Variants in HIPK2 observed in about 807,000 individuals in gnomAD.
HIPK2 encodes the protein homeodomain-interacting protein kinase 2.
Under a neutral mutation model 113.7 loss-of-function variants are expected in HIPK2, and 27 were observed. The observed-to-expected ratio is 0.24, with a 90% CI of 0.17 to 0.33. The LOEUF (loss-of-function observed/expected upper bound fraction) is 0.33. Ranked by LOEUF, HIPK2 falls within the 10% of genes least tolerant of loss-of-function variation. The pLI, the probability that HIPK2 is intolerant of heterozygous loss-of-function variation, is 1.00. For missense variants in HIPK2, 1,257 were observed against 1,588.0 expected, an observed-to-expected ratio of 0.79 and a Z score of 3.54; for synonymous variants, 631 against 642.2, an observed-to-expected ratio of 0.98 and a Z score of 0.26.
rs1222199056 is a variant in HIPK2, at chr7:139,575,123, C to T, written c.3126+5G>A. 6.3e-7 allele frequency: 1 copy of T among 1,589,254 alleles called. No homozygotes were observed. Among genetic ancestry groups the T allele is most frequent in the Non-Finnish European group, 8.6e-7 (1 of 1,168,430 alleles). On this transcript the variant is annotated splice_donor_5th_base_variant and intron_variant, in intron 14 of 14. Coordinates refer to ENST00000406875, the MANE Select transcript of HIPK2 (RefSeq NM_022740.5). The stretch of plus-strand genomic sequence containing the variant: ...CTGGCCTGGGGCGCCAGCTGTGGGG[C>T]TTACCTGGCTGAGATTGAGTGGCTG...
intron 2 of HIPK2, among the ~76,000 whole-genome samples, chr7:139,702,130 C>T (rs1181916232): frequency 1.3e-5 from 2 of 152,160 alleles, no homozygotes; most frequent in Non-Finnish European, 2.9e-5. Context: ...ACTCCAGCAG[C>T]GCAGGCCGGG....
intron 1 of HIPK2, among the ~76,000 whole-genome samples, chr7:139,760,008 T>G (rs191451865): frequency 2.2e-3 from 338 of 151,992 alleles, no homozygotes; most frequent in African/African-American, 7.5e-3. Context: ...CCTAGTTGTT[T>G]TTTTTTTTTT....
chr7:139,649,960 G>A lies in HIPK2; in HGVS notation c.1104-18235C>T, dbSNP rs538295708. ...TCTGTTTGGTACACCTCAGTCTATC[G>A]CTTGAAGAGGTGGTATGGGTAGGAT... On this transcript the variant is annotated intron_variant, in intron 2 of 14. Transcript: ENST00000406875. 4.7e-4 allele frequency among the ~76,000 whole-genome samples: 71 copies of A among 152,218 alleles called. No individual in the cohort carries two copies. In the South Asian group the frequency reaches 7.7e-3, roughly 16 times the overall value.
chr7:139,707,174 C>T (rs926762150), intron 2 of HIPK2, among the ~76,000 whole-genome samples: 6 of 152,222 alleles, frequency 3.9e-5, no homozygotes, highest in Non-Finnish European at 7.3e-5. Context: ...ATCACTCTCC[C>T]GATTCCCTTA....
At chr7:139,583,159 T>C (rs1248537837) in intron 13 of HIPK2, among the ~76,000 whole-genome samples, 1 of 152,256 alleles carries the variant, frequency 6.6e-6, no homozygotes, top group Non-Finnish European at 1.5e-5. Flanking sequence ...ACTGTGAGCA[T>C]GAGCAAGGGA....
At chr7:139,658,898 ATC>A (rs1048251241) in intron 2 of HIPK2, among the ~76,000 whole-genome samples, 1 of 152,192 alleles carries the variant, frequency 6.6e-6, no homozygotes, top group African/African-American at 2.4e-5. Flanking sequence ...ACAGAAAATG[ATC>A]TGTGTGACTG....
rs1360560622 is a variant in HIPK2 at position 139,596,904 on chromosome 7, T to C, written c.2530A>G (p.Met844Val). Reference sequence around the variant, plus strand: ...CTGCAGGCCGGGCTACTGTGCACCATGGCACAGCGGGGAGGTGTGTTCTCC... The same window carrying C: ...CTGCAGGCCGGGCTACTGTGCACCACGGCACAGCGGGGAGGTGTGTTCTCC... ...VKENTPPRCAMVHSSPACSTS... is the reference protein window; with the variant it reads ...VKENTPPRCAVVHSSPACSTS... The change falls in exon 12 of 15, where the codon ATG becomes GTG. Residue 844 changes from methionine to valine, a missense_variant. Physicochemically the swap from Met to Val is conservative, Grantham distance 21. Coordinates refer to ENST00000406875, the MANE Select transcript of HIPK2 (RefSeq NM_022740.5). 1 of 1,613,686 alleles carries C rather than the reference T, an allele frequency of 6.2e-7. No individual in the cohort carries two copies. Among genetic ancestry groups the C allele is most frequent in the Non-Finnish European group, 8.5e-7 (1 of 1,179,724 alleles).
intron 6 of HIPK2, among the ~76,000 whole-genome samples, chr7:139,624,636 T>C (rs1180535014): frequency 3.9e-5 from 6 of 152,212 alleles, no homozygotes; most frequent in East Asian, 3.8e-4. Flanking sequence ...CTTCTCTGCA[T>C]TGACCAGAAC....
intron 2 of HIPK2, among the ~76,000 whole-genome samples, chr7:139,712,702 C>A (rs1461647392): frequency 3.3e-5 from 5 of 152,212 alleles, no homozygotes; most frequent in Non-Finnish European, 7.3e-5. Context: ...GCTTTTCTTG[C>A]CCCCTTTCTT....
rs2116710520 is a variant in HIPK2 at position 139,604,170 on chromosome 7, T to C, written c.2166A>G (p.Gln722=). 1 of 1,613,974 alleles carries C rather than the reference T, an allele frequency of 6.2e-7. No homozygotes were observed. ...ATGTGTGGGTGGCCACTCCAGTCAG[T>C]TGCTGCCATGCTGGGGGAAGCAGGA... ...QQILLPPAWQ[Q]LTGVATHTSV... is the part of the protein sequence containing the mutation. Residue 722 remains glutamine (Q), a synonymous_variant, in exon 10 of 15, where the codon CAA becomes CAG. Coordinates refer to ENST00000406875, the MANE Select transcript of HIPK2 (RefSeq NM_022740.5).
chr7:139,567,050 G>C lies in HIPK2; in HGVS notation c.*5877C>G, dbSNP rs965790430. The C allele has an allele frequency of 6.6e-6, 1 of 152,206 alleles. No individual in the cohort carries two copies. The highest frequency in any genetic ancestry group is 2.4e-5 in the African/African-American group (1 of 41,432). The allele number at this position is 152,206 out of a possible 1,614,324, so 9.4% of individuals were successfully genotyped here. On this transcript the variant is annotated 3_prime_UTR_variant, in exon 15 of 15. Coordinates refer to ENST00000406875, the MANE Select transcript of HIPK2 (RefSeq NM_022740.5). ...ATGCTGGGTCCCTCTAGTGAGCCAC[G>C]GTGCCAAAAGCCTCCAATAGGTTTT...
At chr7:139,592,439 T>A (rs1799058869) in intron 12 of HIPK2, among the ~76,000 whole-genome samples, 1 of 152,224 alleles carries the variant, frequency 6.6e-6, no homozygotes, top group African/African-American at 2.4e-5. Context: ...GTTTACACAC[T>A]TAAAAAATTA....
chr7:139,758,871 A>T (rs562263372), intron 1 of HIPK2, among the ~76,000 whole-genome samples: 1 of 152,220 alleles, frequency 6.6e-6, no homozygotes, highest in Admixed American at 6.5e-5. Context: ...GTAAAATTAC[A>T]AAAGTACCCA....
In HIPK2 at chr7:139,584,088, AGAGGTGGGAGAAGGCCGT is replaced by A. The variant is rs537354460; in HGVS notation, c.2718-42_2718-25del. 671 of 1,557,326 alleles carry A rather than the reference AGAGGTGGGAGAAGGCCGT, an allele frequency of 4.3e-4. 3 individuals carry two copies. The African/African-American group carries it at 8.3e-3, about 19-fold the overall frequency. ...TGCTGAAAATGCAAAGGGAGAAGTC[AGAGGTGGGAGAAGGCCGT>A]GAGGTGAGACACCCAACTAGCACTT... On this transcript the variant is annotated intron_variant, in intron 12 of 14. Transcript: ENST00000406875.
At chr7:139,733,363 A>T (rs1390348821) in intron 1 of HIPK2, among the ~76,000 whole-genome samples, 1 of 152,194 alleles carries the variant, frequency 6.6e-6, no homozygotes, top group East Asian at 1.9e-4. Context: ...CACAGAATAG[A>T]ATTTACTTTC....
intron 1 of HIPK2, among the ~76,000 whole-genome samples, chr7:139,740,874 C>A (rs116175046): frequency 0.016 from 2,429 of 152,256 alleles, 60 homozygotes; most frequent in African/African-American, 0.054. Flanking sequence ...CGGCCAGGCG[C>A]GGTGGCTCAT....
chr7:139,771,418 G>A (rs1585470467), intron 1 of HIPK2, among the ~76,000 whole-genome samples: 1 of 151,934 alleles, frequency 6.6e-6, no homozygotes, highest in Non-Finnish European at 1.5e-5. Context: ...TTGTTGGGGT[G>A]AGGGATGCCA....
In HIPK2 at chr7:139,701,049, G is replaced by A. The variant is rs922522039; in HGVS notation, c.1103+14883C>T. Among the ~76,000 whole-genome samples the A allele has an allele frequency of 5.5e-4, 84 of 152,318 alleles. No homozygotes were observed. In the East Asian group the frequency reaches 0.013, roughly 24 times the overall value. On this transcript the variant is annotated intron_variant, in intron 2 of 14. Coordinates refer to ENST00000406875, the MANE Select transcript of HIPK2 (RefSeq NM_022740.5). ...CTTCAATCTTTCTGTTTCTGTCAGCGCCAGCACCAAACTAACTGGGACCTG... is the reference window on the plus strand; with the variant it reads ...CTTCAATCTTTCTGTTTCTGTCAGCACCAGCACCAAACTAACTGGGACCTG...
At chr7:139,677,414 T>A (rs948437817) in intron 2 of HIPK2, among the ~76,000 whole-genome samples, 2 of 152,052 alleles carry the variant, frequency 1.3e-5, no homozygotes, top group African/African-American at 4.8e-5. Context: ...ATTGGGTAAT[T>A]TATAAAGTTT....
Sources: gnomAD v4.1 joint callset for allele counts (sites outside exome capture counted in the v4.1 genomes callset) on GRCh38, gnomAD v4.1.1 for gene constraint, MANE v1.5 for transcripts, NCBI Gene and HGNC (gene_info 2026-07-23, HGNC 2026-07-21) for gene names.